Variants in HSPA12A observed in about 807,000 individuals in gnomAD.
The protein encoded by HSPA12A is heat shock protein family A (Hsp70) member 12A.
Under a neutral mutation model 69.2 loss-of-function variants are expected in HSPA12A, and 28 were observed. The observed-to-expected ratio is 0.40, with a 90% CI of 0.30 to 0.55. The LOEUF (loss-of-function observed/expected upper bound fraction) is 0.55, where lower values mean the gene tolerates loss of function less well. Ranked by LOEUF, HSPA12A falls within the 20% of genes least tolerant of loss-of-function variation. The pLI, the probability that HSPA12A is intolerant of heterozygous loss-of-function variation, is 0.38. For missense variants in HSPA12A, 686 were observed against 900.7 expected (o/e 0.76, Z 3.05); for synonymous variants, 345 against 370.5 (o/e 0.93, Z 0.79).
intron 2 of HSPA12A, among the ~76,000 whole-genome samples, chr10:116,814,367 C>A (rs1345036870): frequency 6.6e-6 from 1 of 152,170 alleles, no homozygotes; most frequent in Non-Finnish European, 1.5e-5. Flanking sequence ...TGGTGAGGAT[C>A]CATACAGGAA....
chr10:116,722,492 A>C (rs74161314), intron 1 of HSPA12A, among the ~76,000 whole-genome samples: 8,308 of 152,154 alleles, frequency 0.055, 374 homozygotes, highest in African/African-American at 0.13. Context: ...ATTCTGGGTT[A>C]ATGAACAAGA....
chr10:116,844,992 G>A (rs1358888719), intron 1 of HSPA12A, among the ~76,000 whole-genome samples: 1 of 152,142 alleles, frequency 6.6e-6, no homozygotes, highest in Non-Finnish European at 1.5e-5. Context: ...GATTGCAATA[G>A]ATTATGTCCT....
intron 2 of HSPA12A, among the ~76,000 whole-genome samples, chr10:116,749,595 G>A (rs911717454): frequency 1.3e-5 from 2 of 152,312 alleles, no homozygotes; most frequent in Middle Eastern, 3.4e-3. Flanking sequence ...GCACATGGCA[G>A]GGCCTCAAGA....
intron 2 of HSPA12A, among the ~76,000 whole-genome samples, chr10:116,810,713 G>T (rs1845162342): frequency 6.6e-6 from 1 of 152,154 alleles, no homozygotes; most frequent in Non-Finnish European, 1.5e-5. Context: ...GAAACTCTGA[G>T]GGTGGGCCAG....
chr10:116,674,615 GC>G lies in HSPA12A; in HGVS notation c.*165del, dbSNP rs1316107878. 1.5e-6 allele frequency: 1 copy of G among 667,604 alleles called. No individual in the cohort carries two copies. Among genetic ancestry groups the G allele is most frequent in the Non-Finnish European group, 2.5e-6 (1 of 399,570 alleles). 41.4% of individuals were successfully genotyped at this position (667,604 alleles called of 1,614,324 possible). On this transcript the variant is annotated 3_prime_UTR_variant, in exon 12 of 12. Coordinates refer to ENST00000369209, the MANE Select transcript of HSPA12A (RefSeq NM_025015.3). The stretch of plus-strand genomic sequence containing the variant: ...ATTTCTGTTTTTCTGACTCCAGTGT[GC>G]CCTCAAAAGTCACTAATTATTTCTA...
At chr10:116,773,669 G>T (rs1454634350) in intron 2 of HSPA12A, among the ~76,000 whole-genome samples, 1 of 152,206 alleles carries the variant, frequency 6.6e-6, no homozygotes, top group Non-Finnish European at 1.5e-5. Context: ...GTCAACTGCA[G>T]CCTGAGAAAG....
intron 2 of HSPA12A, among the ~76,000 whole-genome samples, chr10:116,794,683 T>G (rs992068191): frequency 6.6e-5 from 10 of 152,206 alleles, no homozygotes; most frequent in Non-Finnish European, 1.3e-4. Context: ...CATGGTGCCA[T>G]GCACCTGTAA....
chr10:116,759,943 T>G (rs1328657531), intron 2 of HSPA12A, among the ~76,000 whole-genome samples: 15 of 152,172 alleles, frequency 9.9e-5, no homozygotes, highest in African/African-American at 3.1e-4. Context: ...GATGTGCCTT[T>G]CACCTTCCAC....
At chr10:116,779,839 G>A (rs1844423683) in intron 2 of HSPA12A, among the ~76,000 whole-genome samples, 1 of 152,058 alleles carries the variant, frequency 6.6e-6, no homozygotes, top group Non-Finnish European at 1.5e-5. Context: ...GATTCCTAAG[G>A]GCTTGGAGCT....
rs566463504 is a variant in HSPA12A at position 116,796,511 on chromosome 10, C to A, written c.91+38424G>T. ...TGTCCCTGCCCCAGGCCTGCTCCTG[C>A]CTCCCCATCCCCACTCAAACTACAA... On this transcript the variant is annotated intron_variant, in intron 2 of 12. Transcript: ENST00000635765. Among the ~76,000 whole-genome samples, 7 of 152,256 alleles carry A rather than the reference C, an allele frequency of 4.6e-5. No individual in the cohort carries two copies. The East Asian group carries it at 1.4e-3, about 29-fold the overall frequency.
At chr10:116,730,680 C>T (rs1266613086) in intron 1 of HSPA12A, among the ~76,000 whole-genome samples, 3 of 152,278 alleles carry the variant, frequency 2.0e-5, no homozygotes, top group Non-Finnish European at 4.4e-5. Context: ...CCCTGGGTGA[C>T]TCCTTCCCCA....
chr10:116,732,328 C>CAAAGAAAGAAAGAAAG lies in HSPA12A; in HGVS notation c.40+10086_40+10101dup, dbSNP rs3034012. Reference sequence around the variant, plus strand: ...CTGGGTGACTCCGTCTCAAAAAAAACAAAGAAAGAAAGAAAGAAAGAAAGA... The same window carrying CAAAGAAAGAAAGAAAG: ...CTGGGTGACTCCGTCTCAAAAAAAACAAAGAAAGAAAGAAAGAAAGAAAGAAAGAAAGAAAGAAAGA... On this transcript the variant is annotated intron_variant, in intron 1 of 11. Coordinates refer to ENST00000369209, the MANE Select transcript of HSPA12A (RefSeq NM_025015.3). Among the ~76,000 whole-genome samples, 325 of 124,174 alleles carry CAAAGAAAGAAAGAAAG rather than the reference C, an allele frequency of 2.6e-3. 11 individuals carry two copies. The highest frequency in any genetic ancestry group is 7.7e-3 in the African/African-American group (283 of 36,786). The allele number at this position is 124,174 out of a possible 152,430, so 81.5% of individuals were successfully genotyped here.
chr10:116,835,864 G>A lies in HSPA12A; in HGVS notation c.4-842C>T, dbSNP rs1011807624. ...AATTAAAGATGAGTAAAATCAAGCC[G>A]GCGGTGTGTGGTGGTGAATGCCTGT... On this transcript the variant is annotated intron_variant, in intron 1 of 12. Transcript: ENST00000635765. Among the ~76,000 whole-genome samples, 7 of 152,310 alleles carry A rather than the reference G, an allele frequency of 4.6e-5. No individual in the cohort carries two copies. The East Asian group carries it at 5.8e-4, about 13-fold the overall frequency.
At chr10:116,707,166 C>A (rs1554882563) in intron 2 of HSPA12A, 34 bp downstream of exon 2, 2 of 1,467,240 alleles carry the variant, frequency 1.4e-6, no homozygotes, top group Non-Finnish European at 1.9e-6. Context: ...CACACACACA[C>A]ACACACACAC....
At chr10:116,849,963 G>A, upstream of HSPA12A, 2 of 699,534 alleles carry the variant, frequency 2.9e-6, no homozygotes, top group Non-Finnish European at 5.2e-6. Context: ...GAGGAAAGAG[G>A]GCGCTAGGCG....
chr10:116,692,337 G>T lies in HSPA12A; in HGVS notation c.663+14C>A. ...TTCTCCTCCGGCTTCCACCCGCCCT[G>T]ACTCTACCCTCACCTGGTAGGCAGC... On this transcript the variant is annotated intron_variant, in intron 6 of 11. Transcript: ENST00000369209. The T allele has an allele frequency of 6.2e-7, 1 of 1,604,944 alleles. No homozygotes were observed. The highest frequency in any genetic ancestry group is 8.5e-7 in the Non-Finnish European group (1 of 1,171,908).
chr10:116,675,030 G>T lies in HSPA12A; in HGVS notation c.1779C>A (p.Pro593=), dbSNP rs1554877379. 6.2e-7 allele frequency: 1 copy of T among 1,614,218 alleles called. No homozygotes were observed. Among genetic ancestry groups the T allele is most frequent in the South Asian group, 1.1e-5 (1 of 91,086 alleles). The change falls in exon 12 of 12, where the codon CCC becomes CCA. Residue 593 remains proline (P), a synonymous_variant. Transcript: ENST00000369209. The surrounding 1 kb of genome is among the most constrained non-coding windows in gnomAD (Gnocchi z 5.2). ...TGTTGATGACAATGACCAGCTGGGA[G>T]GGCTTGGCCGGGGTGTAGCTACGCT... ...LVKRSYTPAK[P]SQLVIVINIY...
intron 2 of HSPA12A, chr10:116,829,421 G>T (rs1345681617): frequency 6.6e-6 from 1 of 152,318 alleles, no homozygotes; most frequent in South Asian, 2.1e-4. Flanking sequence ...AGCAAAGCAG[G>T]AAGGGGTAAG....
chr10:116,773,402 C>T (rs1016715893), intron 2 of HSPA12A, among the ~76,000 whole-genome samples: 3 of 152,242 alleles, frequency 2.0e-5, no homozygotes, highest in Admixed American at 6.5e-5. Context: ...AACAGCCTAG[C>T]GGGCAGACAG....
Sources: allele counts gnomAD v4.1 joint callset (sites outside exome capture counted in the v4.1 genomes callset), GRCh38; gene constraint gnomAD v4.1.1; non-coding constraint Gnocchi (gnomAD v3.1); transcripts MANE v1.5; gene names NCBI Gene and HGNC (gene_info 2026-07-23, HGNC 2026-07-21).